Variants in EFL1 observed in about 807,000 individuals in gnomAD.
EFL1 encodes the protein elongation factor like GTPase 1.
A neutral mutation model predicts 126.7 loss-of-function variants in EFL1; 76 were observed. The observed-to-expected ratio is 0.60, with a 90% CI of 0.50 to 0.73. The LOEUF (loss-of-function observed/expected upper bound fraction) is 0.73, where lower values mean the gene tolerates loss of function less well. Ranked by LOEUF, EFL1 falls within the 30% of genes least tolerant of loss-of-function variation. The probability of loss-of-function intolerance (pLI) is 0.00; values close to 1 mark genes in which losing one functional copy is unlikely to be tolerated. For synonymous variants in EFL1, 410 were observed against 448.4 expected (o/e 0.91, Z 1.08); for missense variants, 1,128 against 1,343.2 (o/e 0.84, Z 2.50).
chr15:82,254,465 A>G (rs561775261), intron 3 of EFL1, among the ~76,000 whole-genome samples: 2 of 126,704 alleles, frequency 1.6e-5, no homozygotes, highest in South Asian at 2.2e-4. Context: ...TTTCAAAAGG[A>G]AAAAAAAAAA....
At chr15:82,172,063 A>G (rs986520115) in intron 15 of EFL1, among the ~76,000 whole-genome samples, 1 of 150,110 alleles carries the variant, frequency 6.7e-6, no homozygotes, top group Non-Finnish European at 1.5e-5. Flanking sequence ...AAGAAAAGAA[A>G]GCCTCAGTCA....
chr15:82,191,222 T>C (rs1203457030), intron 15 of EFL1, among the ~76,000 whole-genome samples: 3 of 152,144 alleles, frequency 2.0e-5, no homozygotes, highest in Non-Finnish European at 4.4e-5. Context: ...AAAAGAACAA[T>C]ACAACACACC....
intron 3 of EFL1, among the ~76,000 whole-genome samples, chr15:82,258,014 A>G (rs2075080804): frequency 6.6e-6 from 1 of 152,086 alleles, no homozygotes; most frequent in South Asian, 2.1e-4. Flanking sequence ...ATCTTGGGCC[A>G]GCTTCCCTCC....
chr15:82,226,238 G>C (rs1483967772), intron 11 of EFL1, among the ~76,000 whole-genome samples: 2 of 152,144 alleles, frequency 1.3e-5, no homozygotes, highest in South Asian at 4.2e-4. Context: ...GCGTTATCTC[G>C]GCTCACTGCA....
chr15:82,149,817 A>T (rs1304625199), intron 18 of EFL1, among the ~76,000 whole-genome samples: 2 of 152,226 alleles, frequency 1.3e-5, no homozygotes, highest in African/African-American at 4.8e-5. Context: ...CAATATAGAA[A>T]AAAACACCAT....
chr15:82,190,244 T>C (rs1409732987), intron 15 of EFL1, among the ~76,000 whole-genome samples: 1 of 152,224 alleles, frequency 6.6e-6, no homozygotes, highest in East Asian at 1.9e-4. Flanking sequence ...TAAAATTCTG[T>C]AACCATGTTT....
intron 12 of EFL1, among the ~76,000 whole-genome samples, chr15:82,224,564 A>T (rs1467467547): frequency 7.2e-5 from 11 of 152,224 alleles, no homozygotes; most frequent in Admixed American, 7.2e-4. Context: ...CAAGTGGATC[A>T]GTGGAACTAA....
intron 15 of EFL1, among the ~76,000 whole-genome samples, chr15:82,210,862 CAAAA>C (rs76409669): frequency 9.2e-6 from 1 of 109,250 alleles, no homozygotes; most frequent in Non-Finnish European, 2.0e-5. Flanking sequence ...AACTCCATTA[CAAAA>C]AAAAAAAAAA....
intron 18 of EFL1, among the ~76,000 whole-genome samples, chr15:82,145,885 T>G (rs796436166): frequency 3.8e-4 from 57 of 148,764 alleles, no homozygotes; most frequent in African/African-American, 1.4e-3. Context: ...TAACTAGTAC[T>G]GTCTAACAAA....
intron 15 of EFL1, among the ~76,000 whole-genome samples, chr15:82,166,665 T>G (rs1209869451): frequency 6.6e-6 from 1 of 152,206 alleles, no homozygotes; most frequent in Non-Finnish European, 1.5e-5. Flanking sequence ...TTTTTAAAAA[T>G]AACATCAGCA....
At chr15:82,222,730 A>G (rs2074724761) in intron 12 of EFL1, among the ~76,000 whole-genome samples, 11 of 152,216 alleles carry the variant, frequency 7.2e-5, no homozygotes, top group Admixed American at 6.5e-4. Context: ...TTGAGAACAA[A>G]GAAATTTAAT....
intron 15 of EFL1, among the ~76,000 whole-genome samples, chr15:82,210,301 T>C (rs2074570153): frequency 6.6e-6 from 1 of 152,180 alleles, no homozygotes; most frequent in Admixed American, 6.5e-5. Flanking sequence ...GACTCACTTC[T>C]AATAAACAGA....
chr15:82,221,854 C>G (rs11633803), intron 12 of EFL1, among the ~76,000 whole-genome samples: 20,193 of 152,238 alleles, frequency 0.13, 1,606 homozygotes, highest in Non-Finnish European at 0.17. Flanking sequence ...GGCCGCAGTT[C>G]TCTCCTCCGG....
chr15:82,169,326 T>C (rs1335509081), intron 15 of EFL1, among the ~76,000 whole-genome samples: 1 of 152,040 alleles, frequency 6.6e-6, no homozygotes, highest in African/African-American at 2.4e-5. Context: ...TGAAGCTCCA[T>C]TTGGGTCAGT....
In EFL1 at chr15:82,166,508, T is replaced by C. The variant is rs116750268; in HGVS notation, c.1751-2524A>G. 2.3e-3 allele frequency among the ~76,000 whole-genome samples: 344 copies of C among 152,312 alleles called. 3 individuals carry two copies. Among genetic ancestry groups the C allele is most frequent in the African/African-American group, 7.9e-3 (328 of 41,576 alleles). ...CTTATTTTTAAATATAATTTTAAAATCTAGGAAAGGGAGGACCATTAAGAT... is the reference window on the plus strand; with the variant it reads ...CTTATTTTTAAATATAATTTTAAAACCTAGGAAAGGGAGGACCATTAAGAT... On this transcript the variant is annotated intron_variant, in intron 15 of 19. Coordinates refer to ENST00000268206, the MANE Select transcript of EFL1 (RefSeq NM_024580.6).
intron 7 of EFL1, among the ~76,000 whole-genome samples, chr15:82,231,342 A>C (rs2074820305): frequency 6.6e-6 from 1 of 152,182 alleles, no homozygotes; most frequent in Non-Finnish European, 1.5e-5. Context: ...TCAGCTACTC[A>C]CTGCTGTTAA....
chr15:82,151,348 A>C, intron 18 of EFL1, 117 bp downstream of exon 18: 1 of 971,820 alleles, frequency 1.0e-6, no homozygotes, highest in Non-Finnish European at 1.5e-6. Flanking sequence ...AGATTGTGCC[A>C]CTGCACTCCA....
At chr15:82,180,727 C>T (rs2074243703) in intron 15 of EFL1, among the ~76,000 whole-genome samples, 1 of 151,654 alleles carries the variant, frequency 6.6e-6, no homozygotes, top group African/African-American at 2.4e-5. Context: ...AGAAGATACA[C>T]ATGGTATACG....
chr15:82,169,187 G>C (rs1276632141), intron 15 of EFL1, among the ~76,000 whole-genome samples: 2 of 152,184 alleles, frequency 1.3e-5, no homozygotes, highest in African/African-American at 2.4e-5. Flanking sequence ...AAACAGAGTA[G>C]AATGCCTGAG....
Sources: allele counts gnomAD v4.1 joint callset (sites outside exome capture counted in the v4.1 genomes callset), GRCh38; gene constraint gnomAD v4.1.1; transcripts MANE v1.5; gene names NCBI Gene and HGNC (gene_info 2026-07-23, HGNC 2026-07-21).